The following TNNT3 variants were observed in gnomAD, a reference collection of about 807,000 sequenced individuals.
TNNT3 encodes troponin T3, fast skeletal type, also known as troponin T, fast skeletal muscle.
Under a neutral mutation model 54.2 loss-of-function variants are expected in TNNT3, and 36 were observed. The ratio of observed to expected loss-of-function variants is 0.66; its 90% CI spans 0.51 to 0.88. The LOEUF is 0.88. TNNT3 is among the 40% of genes least tolerant of loss of function. The pLI, the probability that TNNT3 is intolerant of heterozygous loss-of-function variation, is 0.00. For synonymous variants in TNNT3, 120 were observed against 109.7 expected (o/e 1.09, Z -0.59); for missense variants, 291 against 331.6 (o/e 0.88, Z 0.95).
Position 1,938,644 on chromosome 11 carries a change from C to T in TNNT3, c.*152C>T, listed in dbSNP as rs749345053. The T allele has an allele frequency of 1.2e-5, 9 of 776,056 alleles. No homozygotes were observed. Among genetic ancestry groups the T allele is most frequent in the Admixed American group, 2.0e-5 (1 of 49,752 alleles). The allele number at this position is 776,056 out of a possible 1,614,324, so 48.1% of individuals were successfully genotyped here. On this transcript the variant is annotated 3_prime_UTR_variant, in exon 16 of 16. Transcript: ENST00000278317. ...AGAGGCCATCCCGGGGCGTCCCCCG[C>T]GTCTGTGTCCTTGCTGCCTTCATCC... is the stretch of plus-strand genomic sequence containing the variant.
In TNNT3 at chr11:1,923,930, T is replaced by C. The variant is rs373325754; in HGVS notation, c.49+358T>C. Among the ~76,000 whole-genome samples the C allele has an allele frequency of 1.6e-3, 240 of 146,846 alleles. 1 individual carries two copies. Among genetic ancestry groups the C allele is most frequent in the African/African-American group, 6.3e-3 (232 of 36,696 alleles). ...GAAGGCCTCAAAACACCGAGTGCCC[T>C]GCGTGCCCAGTGCTGCTGTCTCTCT... is the stretch of plus-strand genomic sequence containing the variant. On this transcript the variant is annotated intron_variant, in intron 4 of 15. Transcript: ENST00000278317.
Position 1,936,953 on chromosome 11 carries a change from T to C in TNNT3, c.682-10T>C. 1 of 1,605,082 alleles carries C rather than the reference T, an allele frequency of 6.2e-7. No homozygotes were observed. Among genetic ancestry groups the C allele is most frequent in the African/African-American group, 1.3e-5 (1 of 74,926 alleles). On this transcript the variant is annotated splice_polypyrimidine_tract_variant and intron_variant, in intron 14 of 15. Transcript: ENST00000278317. ...GGGTCGTCGCAGTGAGTCACTCATG[T>C]TGTTCACAGATCACCACGCTCAGGA...
chr11:1,937,978 C>G (rs986815007), intron 15 of TNNT3, among the ~76,000 whole-genome samples: 4 of 152,194 alleles, frequency 2.6e-5, no homozygotes, highest in Non-Finnish European at 5.9e-5. Context: ...GTCCTCCACC[C>G]GCCTTCACCC....
chr11:1,923,769 C>A (rs1486423016), intron 4 of TNNT3, among the ~76,000 whole-genome samples, 197 bp downstream of exon 4: 2 of 152,114 alleles, frequency 1.3e-5, no homozygotes, highest in African/African-American at 4.8e-5. Context: ...GAGGCCACCA[C>A]TTAATTAATG....
intron 7 of TNNT3, 134 bp downstream of exon 7, chr11:1,929,277 G>T (rs1255568615): frequency 2.6e-6 from 3 of 1,169,562 alleles, no homozygotes; most frequent in Non-Finnish European, 3.8e-6. Context: ...CTGGCACGGG[G>T]GCCTCGGAGG....
In TNNT3 at chr11:1,926,964, C is replaced by T. The variant is rs146976955; in HGVS notation, c.82+255C>T. ...GACAATGAGGCCCTTCCTGGGCTGCCAACAGGAAGGTGGGAGGTGGGGGTG... is the reference window on the plus strand; with the variant it reads ...GACAATGAGGCCCTTCCTGGGCTGCTAACAGGAAGGTGGGAGGTGGGGGTG... On this transcript the variant is annotated intron_variant, in intron 6 of 15. Transcript: ENST00000278317. Among the ~76,000 whole-genome samples, 94 of 152,240 alleles carry T rather than the reference C, an allele frequency of 6.2e-4. 1 individual carries two copies. The highest frequency in any genetic ancestry group is 2.1e-3 in the African/African-American group (88 of 41,554).
At chr11:1,925,860 G>T (rs1470049932) in intron 5 of TNNT3, among the ~76,000 whole-genome samples, 1 of 152,192 alleles carries the variant, frequency 6.6e-6, no homozygotes, top group Non-Finnish European at 1.5e-5. Flanking sequence ...CCCATGCCCA[G>T]ATCAGCAGGC....
chr11:1,927,105 C>T (rs1231134587), intron 6 of TNNT3, among the ~76,000 whole-genome samples: 1 of 152,052 alleles, frequency 6.6e-6, no homozygotes. Flanking sequence ...CTCCACCCTG[C>T]CCCAGTTAGC....
chr11:1,932,287 G>A (rs1853612898), intron 8 of TNNT3, among the ~76,000 whole-genome samples, 182 bp from the exon 9 acceptor site: 1 of 152,276 alleles, frequency 6.6e-6, no homozygotes, highest in Non-Finnish European at 1.5e-5. Context: ...TCTCAGGATG[G>A]TGGGCTACAA....
At chr11:1,933,868 G>A (rs751712040) in intron 10 of TNNT3, 31 bp downstream of exon 10, 3 of 1,612,042 alleles carry the variant, frequency 1.9e-6, no homozygotes, top group South Asian at 2.2e-5. Context: ...TGCAGCAGGG[G>A]CTGGTGGACT....
intron 5 of TNNT3, chr11:1,926,400 C>G (rs139689742): frequency 1.4e-5 from 22 of 1,599,732 alleles, no homozygotes; most frequent in Non-Finnish European, 1.8e-5. Context: ...CCATTAACCT[C>G]GGACGCTTCT....
At chr11:1,926,577 G>T (rs1405663839) in intron 5 of TNNT3, 118 bp from the exon 6 acceptor site, 2 of 1,607,370 alleles carry the variant, frequency 1.2e-6, no homozygotes, top group East Asian at 2.2e-5. Flanking sequence ...ACCCTGCACA[G>T]CCTGGCCTGC....
chr11:1,928,278 C>T (rs937899087), intron 6 of TNNT3, among the ~76,000 whole-genome samples: 1 of 152,178 alleles, frequency 6.6e-6, no homozygotes, highest in African/African-American at 2.4e-5. Context: ...AGACCCCCCT[C>T]CTGGGCCCCA....
intron 9 of TNNT3, 75 bp downstream of exon 9, chr11:1,932,589 G>A: frequency 6.8e-7 from 1 of 1,481,462 alleles, no homozygotes; most frequent in South Asian, 1.1e-5. Flanking sequence ...GGCCTCAGAA[G>A]GTCACTTCCT....
chr11:1,928,901 C>G, intron 6 of TNNT3: 1 of 642,654 alleles, frequency 1.6e-6, no homozygotes, highest in Non-Finnish European at 2.8e-6. Context: ...GGCAGGAGCT[C>G]CACTGGGCAC....
At chr11:1,922,821 C>T (rs1850403324) in intron 1 of TNNT3, 36 bp from the exon 2 acceptor site, 28 of 392,144 alleles carry the variant, frequency 7.1e-5, no homozygotes, top group Non-Finnish European at 9.6e-5. Flanking sequence ...TCTTTCCATC[C>T]TCTCTCTCTC....
In TNNT3 at chr11:1,926,726, C is replaced by T; in HGVS notation, c.82+17C>T. ...TTCAAGAAGGTACGCCGGCGCTCCC[C>T]CGCCTCCAGGCCAGAGTCTCCGTCC... On this transcript the variant is annotated intron_variant, in intron 6 of 15. Transcript: ENST00000278317. The T allele has an allele frequency of 1.2e-6, 2 of 1,613,310 alleles. No individual in the cohort carries two copies.
Position 1,923,039 on chromosome 11 carries a change from GCC to G in TNNT3, c.18-6_18-5del. The G allele has an allele frequency of 6.2e-7, 1 of 1,613,846 alleles. No homozygotes were observed. The highest frequency in any genetic ancestry group is 1.1e-5 in the South Asian group (1 of 91,076). On this transcript the variant is annotated splice_polypyrimidine_tract_variant and splice_region_variant and intron_variant, in intron 2 of 15. Transcript: ENST00000278317. The stretch of plus-strand genomic sequence containing the variant: ...TCTCTTTCTTTCTCTCTCTCTCCCT[GCC>G]CCACAGTGAACAGGTGGAGGGTAAG...
intron 1 of TNNT3, among the ~76,000 whole-genome samples, chr11:1,922,054 C>T (rs562320077): frequency 6.6e-6 from 1 of 152,212 alleles, no homozygotes; most frequent in Non-Finnish European, 1.5e-5. Flanking sequence ...AATGGGGGGG[C>T]TGTTCTGTGG....
Sources: gnomAD v4.1 joint callset for allele counts (sites outside exome capture counted in the v4.1 genomes callset) on GRCh38, gnomAD v4.1.1 for gene constraint, MANE v1.5 for transcripts, NCBI Gene and HGNC (gene_info 2026-07-23, HGNC 2026-07-21) for gene names.